The following NRXN3 variants were observed in gnomAD, a reference collection of about 807,000 sequenced individuals.
NRXN3 encodes neurexin 3.
A neutral mutation model predicts 137.6 loss-of-function variants in NRXN3; 32 were observed. The observed-to-expected ratio is 0.23, with a 90% confidence interval of 0.18 to 0.31. NRXN3 has a LOEUF of 0.31. NRXN3 is among the 10% of genes least tolerant of loss of function. NRXN3 has a pLI of 1.00. For missense variants in NRXN3, 1,574 were observed against 2,062.5 expected (o/e 0.76, Z 4.59); for synonymous variants, 798 against 784.5 (o/e 1.02, Z -0.29).
rs1241558969 is a variant in NRXN3, at chr14:79,589,263, C to A, written c.3445-74515C>A. 2.6e-5 allele frequency among the ~76,000 whole-genome samples: 4 copies of A among 151,856 alleles called. No individual in the cohort carries two copies. In the East Asian group the frequency reaches 7.7e-4, roughly 29 times the overall value. On this transcript the variant is annotated intron_variant, in intron 16 of 20. Coordinates refer to ENST00000335750, the MANE Select transcript of NRXN3 (RefSeq NM_001330195.2). ...GAGCAAAACTCTGTCTCGAAACAAG[C>A]AAACAAAAAATTGTTAAATCATTAT...
At chr14:78,576,354 C>A (rs1374156041) in intron 4 of NRXN3, among the ~76,000 whole-genome samples, 1 of 152,052 alleles carries the variant, frequency 6.6e-6, no homozygotes, top group East Asian at 1.9e-4. Context: ...CTGCTGAGGG[C>A]TTTTTCCTTA....
At position 78,688,455 on chromosome 14, in the gene NRXN3, A is replaced by C. The variant is rs117997545; in HGVS notation, c.1222-20762A>C. Among the ~76,000 whole-genome samples the C allele has an allele frequency of 1.0e-2, 1,518 of 152,306 alleles. 15 individuals carry two copies. The highest frequency in any genetic ancestry group is 0.036 in the South Asian group (176 of 4,826). ...ATTTAATTATTGGATCTGGCAAGCT[A>C]TTGACCATTTTACTGGTTTGGTATA... On this transcript the variant is annotated intron_variant, in intron 6 of 20. Coordinates refer to ENST00000335750, the MANE Select transcript of NRXN3 (RefSeq NM_001330195.2).
At chr14:79,164,847 C>G (rs569603462) in intron 15 of NRXN3, among the ~76,000 whole-genome samples, 12 of 152,064 alleles carry the variant, frequency 7.9e-5, no homozygotes, top group African/African-American at 2.6e-4. Flanking sequence ...TTTCTCTAGA[C>G]AAGGCCACAT....
chr14:79,130,736 A>T (rs1054845121), intron 15 of NRXN3, among the ~76,000 whole-genome samples: 1 of 152,096 alleles, frequency 6.6e-6, no homozygotes, highest in African/African-American at 2.4e-5. Context: ...GCCTTGCTAG[A>T]TTGGGGAAGT....
chr14:79,190,326 T>C (rs17108893), intron 15 of NRXN3, among the ~76,000 whole-genome samples: 5,735 of 152,286 alleles, frequency 0.038, 239 homozygotes, highest in East Asian at 0.21. Flanking sequence ...CCTCTCTGTA[T>C]CTATATCTAC....
intron 2 of NRXN3, among the ~76,000 whole-genome samples, chr14:78,250,341 C>G (rs558913522): frequency 5.3e-5 from 8 of 152,208 alleles, no homozygotes; most frequent in African/African-American, 1.9e-4. Context: ...AGTTCTGACT[C>G]TGGGCTATTG....
At chr14:78,172,367 G>A (rs145842538) in intron 1 of NRXN3, among the ~76,000 whole-genome samples, 127 of 152,264 alleles carry the variant, frequency 8.3e-4, no homozygotes, top group African/African-American at 2.9e-3. Flanking sequence ...CGCCTTTCAA[G>A]TTAAAATGGT....
At chr14:79,135,532 A>G (rs1469176132) in intron 15 of NRXN3, among the ~76,000 whole-genome samples, 1 of 152,144 alleles carries the variant, frequency 6.6e-6, no homozygotes. Flanking sequence ...CTTTGATGTG[A>G]ATGCCCAGGT....
At chr14:78,182,730 C>T (rs1436600554) in intron 1 of NRXN3, among the ~76,000 whole-genome samples, 1 of 152,188 alleles carries the variant, frequency 6.6e-6, no homozygotes, top group African/African-American at 2.4e-5. Flanking sequence ...CTCGGCCTCC[C>T]AAAGTGCTGG....
intron 10 of NRXN3, among the ~76,000 whole-genome samples, chr14:78,819,032 G>C (rs1351603559): frequency 2.0e-5 from 3 of 152,024 alleles, no homozygotes; most frequent in African/African-American, 7.2e-5. Flanking sequence ...GTTTACTTAG[G>C]GATTTTCCTG....
chr14:78,857,519 A>G (rs1050327100), intron 10 of NRXN3, among the ~76,000 whole-genome samples: 10 of 152,170 alleles, frequency 6.6e-5, no homozygotes, highest in Admixed American at 5.9e-4. Context: ...GTGTAATTAA[A>G]AAGTCATCCA....
At chr14:79,837,154 G>A (rs6574527) in intron 20 of NRXN3, among the ~76,000 whole-genome samples, 138,573 of 152,210 alleles carry the variant, frequency 0.91, 63,116 homozygotes, top group East Asian at 1. Context: ...AGGCAACATA[G>A]AAAATAAGCT....
intron 4 of NRXN3, among the ~76,000 whole-genome samples, chr14:78,405,635 T>A (rs2092437412): frequency 5.3e-5 from 8 of 151,710 alleles, no homozygotes; most frequent in Admixed American, 4.6e-4. Flanking sequence ...GGGTATCTGA[T>A]GAATTCCTGC....
chr14:78,801,006 G>A (rs2098837076), intron 8 of NRXN3, among the ~76,000 whole-genome samples: 1 of 152,124 alleles, frequency 6.6e-6, no homozygotes, highest in Non-Finnish European at 1.5e-5. Context: ...TGCTGTATTA[G>A]CCTGTTTTCA....
intron 16 of NRXN3, among the ~76,000 whole-genome samples, chr14:79,478,052 C>G (rs899764071): frequency 2.0e-5 from 3 of 151,774 alleles, no homozygotes; most frequent in Non-Finnish European, 4.4e-5. Flanking sequence ...GAGATAAGGG[C>G]TAGAGGTGGG....
At chr14:79,565,348 C>CAAACATATTGTGT (rs1382372387) in intron 16 of NRXN3, among the ~76,000 whole-genome samples, 1 of 142,064 alleles carries the variant, frequency 7.0e-6, no homozygotes, top group Non-Finnish European at 1.6e-5. Context: ...CATATGTGTG[C>CAAACATATTGTGT]GTATATGTAT....
At chr14:79,731,822 T>G (rs8005765) in intron 19 of NRXN3, among the ~76,000 whole-genome samples, 151,211 of 151,248 alleles carry the variant, frequency 1, 75,587 homozygotes, top group Middle Eastern at 1. Context: ...TTTTATTTTT[T>G]ATTTTTTTTT....
In NRXN3 at chr14:79,854,826, T is replaced by A. The variant is rs140695995; in HGVS notation, c.4094-6516T>A. Among the ~76,000 whole-genome samples the A allele has an allele frequency of 3.5e-3, 526 of 152,338 alleles. 1 individual carries two copies. The highest frequency in any genetic ancestry group is 0.012 in the African/African-American group (485 of 41,568). ...GAAATAAGGTACTCTCAAGTGACTA[T>A]GGTAGAGTTTGGTTATCCAGGATCA... On this transcript the variant is annotated intron_variant, in intron 20 of 20. Coordinates refer to ENST00000335750, the MANE Select transcript of NRXN3 (RefSeq NM_001330195.2).
intron 4 of NRXN3, among the ~76,000 whole-genome samples, chr14:78,378,867 T>C (rs1013201127): frequency 1.3e-5 from 2 of 151,942 alleles, no homozygotes; most frequent in African/African-American, 4.8e-5. Context: ...AACAACAAAA[T>C]TGACACAACT....
Sources: allele counts gnomAD v4.1 joint callset (sites outside exome capture counted in the v4.1 genomes callset), GRCh38; gene constraint gnomAD v4.1.1; transcripts MANE v1.5; gene names NCBI Gene and HGNC (gene_info 2026-07-23, HGNC 2026-07-21).